The following RABGAP1L variants were observed in gnomAD, a reference collection of about 807,000 sequenced individuals.
RABGAP1L encodes RAB GTPase activating protein 1 like.
A neutral mutation model predicts 137.7 loss-of-function variants in RABGAP1L; 63 were observed. That is an observed-to-expected ratio of 0.46 (90% CI 0.37 to 0.56). The LOEUF is 0.56. RABGAP1L is among the 20% of genes least tolerant of loss of function. The pLI is 0.00. For missense variants in RABGAP1L, 1,095 were observed against 1,244.0 expected (o/e 0.88, Z 1.80); for synonymous variants, 431 against 433.7 (o/e 0.99, Z 0.08).
At chr1:174,614,528 G>A (rs977023405) in intron 13 of RABGAP1L, among the ~76,000 whole-genome samples, 7 of 152,060 alleles carry the variant, frequency 4.6e-5, no homozygotes, top group Non-Finnish European at 4.4e-5. Context: ...CTTCATTTCA[G>A]CTTTGGTGAA....
intron 19 of RABGAP1L, among the ~76,000 whole-genome samples, chr1:174,841,567 T>C (rs1693405425): frequency 6.6e-6 from 1 of 151,658 alleles, no homozygotes; most frequent in African/African-American, 2.4e-5. Context: ...AAGAAGGGAA[T>C]AAAAGTTATA....
chr1:174,652,434 G>A (rs1675596318), intron 14 of RABGAP1L, among the ~76,000 whole-genome samples: 1 of 152,122 alleles, frequency 6.6e-6, no homozygotes, highest in African/African-American at 2.4e-5. Flanking sequence ...TCATCTTCAT[G>A]GATTTATCTA....
intron 11 of RABGAP1L, among the ~76,000 whole-genome samples, chr1:174,356,873 T>G (rs1252418118): frequency 6.6e-6 from 1 of 152,214 alleles, no homozygotes; most frequent in Non-Finnish European, 1.5e-5. Context: ...TACTACTGTG[T>G]GTCAGTTACT....
chr1:174,770,695 C>G (rs185870047), intron 18 of RABGAP1L, among the ~76,000 whole-genome samples: 58 of 152,324 alleles, frequency 3.8e-4, no homozygotes, highest in Non-Finnish European at 6.6e-4. Context: ...AAAAATCCCT[C>G]TCTGTCTTCA....
At chr1:174,671,475 G>A (rs1050057780) in intron 14 of RABGAP1L, among the ~76,000 whole-genome samples, 1 of 152,128 alleles carries the variant, frequency 6.6e-6, no homozygotes, top group Admixed American at 6.6e-5. Context: ...CTGTTTTGAG[G>A]TACATTTCTT....
At chr1:174,468,654 A>G (rs1009353754) in intron 13 of RABGAP1L, among the ~76,000 whole-genome samples, 1 of 152,180 alleles carries the variant, frequency 6.6e-6, no homozygotes, top group Non-Finnish European at 1.5e-5. Flanking sequence ...TTATATCCCT[A>G]AAGATAAAAA....
chr1:174,597,654 C>G (rs957397780), intron 13 of RABGAP1L, among the ~76,000 whole-genome samples: 1 of 151,960 alleles, frequency 6.6e-6, no homozygotes. Context: ...ACTTTTCGAA[C>G]TTTTCGAAAA....
chr1:174,609,001 T>C (rs1486289067), intron 13 of RABGAP1L, among the ~76,000 whole-genome samples: 3 of 152,160 alleles, frequency 2.0e-5, no homozygotes, highest in South Asian at 2.1e-4. Flanking sequence ...TTAACACTTA[T>C]ACCGAATTAC....
chr1:174,696,865 A>G (rs1679298851), intron 15 of RABGAP1L, among the ~76,000 whole-genome samples: 1 of 152,160 alleles, frequency 6.6e-6, no homozygotes, highest in African/African-American at 2.4e-5. Flanking sequence ...GTTTTTATGA[A>G]GGTGTTTCTT....
chr1:174,830,026 T>C lies in RABGAP1L; in HGVS notation c.2340+18066T>C, dbSNP rs191736607. Among the ~76,000 whole-genome samples the C allele has an allele frequency of 6.2e-3, 921 of 148,224 alleles. 93 individuals are homozygous for C. The highest frequency in any genetic ancestry group is 0.012 in the South Asian group (54 of 4,506). ...GGTTCTTCTGTTGGTATCTCCTGGA[T>C]TCACTCATGTGGTAGCATTCAACTG... On this transcript the variant is annotated intron_variant, in intron 19 of 25. Coordinates refer to ENST00000681986, the MANE Select transcript of RABGAP1L (RefSeq NM_001366446.1).
intron 19 of RABGAP1L, among the ~76,000 whole-genome samples, chr1:174,912,980 CTT>C (rs776664058): frequency 3.5e-5 from 5 of 143,968 alleles, no homozygotes; most frequent in Non-Finnish European, 4.6e-5. Flanking sequence ...ATTTCTTTAG[CTT>C]TTTTTTTTTT....
At chr1:174,643,994 A>G (rs1674747653) in intron 14 of RABGAP1L, among the ~76,000 whole-genome samples, 1 of 151,614 alleles carries the variant, frequency 6.6e-6, no homozygotes, top group Admixed American at 6.6e-5. Flanking sequence ...CTTACCCTTT[A>G]CTCACAAGAT....
intron 14 of RABGAP1L, among the ~76,000 whole-genome samples, chr1:174,650,982 AT>A (rs1675434533): frequency 1.4e-5 from 2 of 147,042 alleles, no homozygotes; most frequent in East Asian, 3.9e-4. Context: ...AGTGCTATAA[AT>A]TTCCCTCTAC....
At chr1:174,312,768 G>A (rs1678978366) in intron 11 of RABGAP1L, among the ~76,000 whole-genome samples, 1 of 152,038 alleles carries the variant, frequency 6.6e-6, no homozygotes, top group Non-Finnish European at 1.5e-5. Flanking sequence ...GTTTTGTTTT[G>A]ATTTTTGTAT....
At chr1:174,268,669 G>A (rs1383937306) in intron 7 of RABGAP1L, among the ~76,000 whole-genome samples, 1 of 151,988 alleles carries the variant, frequency 6.6e-6, no homozygotes, top group African/African-American at 2.4e-5. Context: ...CATATTGCAG[G>A]ACATTAATAC....
rs563457033 is a variant in RABGAP1L at position 174,647,603 on chromosome 1, G to T, written c.1824+10115G>T. On this transcript the variant is annotated intron_variant, in intron 14 of 25. Transcript: ENST00000681986. ...GCTTTTTCATTTGCTACTGGGTTCAGTTTGCCAATATTTTATTGAGGATTT... is the reference window on the plus strand; with the variant it reads ...GCTTTTTCATTTGCTACTGGGTTCATTTTGCCAATATTTTATTGAGGATTT... Among the ~76,000 whole-genome samples the T allele has an allele frequency of 2.0e-3, 297 of 152,170 alleles. 2 individuals are homozygous for T. Among genetic ancestry groups the T allele is most frequent in the African/African-American group, 6.8e-3 (282 of 41,504 alleles).
At chr1:174,263,324 C>G (rs1019293128) in intron 7 of RABGAP1L, among the ~76,000 whole-genome samples, 1 of 152,172 alleles carries the variant, frequency 6.6e-6, no homozygotes, top group Non-Finnish European at 1.5e-5. Flanking sequence ...GTGAAAGGAC[C>G]CAACTTCCAC....
intron 19 of RABGAP1L, chr1:174,877,445 G>A: frequency 6.2e-7 from 1 of 1,609,124 alleles, no homozygotes; most frequent in African/African-American, 1.3e-5. Context: ...TGGATAGTCT[G>A]GTCTGGAGCT....
At position 174,614,927 on chromosome 1, in the gene RABGAP1L, A is replaced by T. The variant is rs997152231; in HGVS notation, c.1711-22448A>T. On this transcript the variant is annotated intron_variant, in intron 13 of 25. Transcript: ENST00000681986. ...TTCTCGAGCCTTGGCTTTCAGCTCC[A>T]TCAGCTCCTTTAAGCACTTCTCTAT... Among the ~76,000 whole-genome samples the T allele has an allele frequency of 7.9e-5, 12 of 152,322 alleles. No individual in the cohort carries two copies. In the East Asian group the frequency reaches 2.3e-3, roughly 29 times the overall value.
Sources: gnomAD v4.1 joint callset for allele counts (sites outside exome capture counted in the v4.1 genomes callset) on GRCh38, gnomAD v4.1.1 for gene constraint, MANE v1.5 for transcripts, NCBI Gene and HGNC (gene_info 2026-07-23, HGNC 2026-07-21) for gene names.